TFEC: variants seen among roughly 807,000 people sequenced by gnomAD.
TFEC encodes class E basic helix-loop-helix protein 34.
A neutral mutation model predicts 41.6 loss-of-function variants in TFEC; 31 were observed. That is an observed-to-expected ratio of 0.74 (90% CI 0.56 to 1.01). TFEC has a LOEUF of 1.01. Ranked by LOEUF, TFEC falls within the 50% of genes least tolerant of loss-of-function variation. The pLI, the probability that TFEC is intolerant of heterozygous loss-of-function variation, is 0.00. For missense variants in TFEC, 402 were observed against 404.1 expected, an observed-to-expected ratio of 0.99 and a Z score of 0.04; for synonymous variants, 143 against 140.6, an observed-to-expected ratio of 1.02 and a Z score of -0.12.
chr7:116,018,051 A>G (rs1439848115), intron 1 of TFEC, among the ~76,000 whole-genome samples: 4 of 152,220 alleles, frequency 2.6e-5, no homozygotes, highest in African/African-American at 9.6e-5. Flanking sequence ...AAAGCCAATA[A>G]TAATAATATA....
At chr7:116,157,062 A>G (rs1418521526) in intron 1 of TFEC, among the ~76,000 whole-genome samples, 1 of 152,152 alleles carries the variant, frequency 6.6e-6, no homozygotes. Flanking sequence ...TTTGGATTTC[A>G]TACATTAGGC....
intron 2 of TFEC, among the ~76,000 whole-genome samples, chr7:115,975,365 T>C (rs1490604032): frequency 6.6e-6 from 1 of 152,126 alleles, no homozygotes; most frequent in African/African-American, 2.4e-5. Flanking sequence ...TTTCCCATGA[T>C]ATATGCAGAT....
intron 3 of TFEC, among the ~76,000 whole-genome samples, chr7:116,050,302 T>C (rs893671484): frequency 2.6e-5 from 4 of 152,018 alleles, no homozygotes; most frequent in African/African-American, 9.7e-5. Flanking sequence ...AAAGGGGATA[T>C]CACCACTGAT....
intron 1 of TFEC, among the ~76,000 whole-genome samples, chr7:116,128,305 T>C (rs1443950613): frequency 6.6e-6 from 1 of 152,140 alleles, no homozygotes; most frequent in Non-Finnish European, 1.5e-5. Context: ...AAAATGAGGC[T>C]AGAAGACAAT....
chr7:116,000,921 G>A (rs1346164496), intron 1 of TFEC, among the ~76,000 whole-genome samples: 1 of 149,370 alleles, frequency 6.7e-6, no homozygotes. Flanking sequence ...AAATACTAAT[G>A]ACATTCTTCA....
intron 1 of TFEC, among the ~76,000 whole-genome samples, chr7:116,131,334 T>C (rs1442545627): frequency 2.6e-5 from 4 of 152,200 alleles, no homozygotes; most frequent in African/African-American, 7.2e-5. Flanking sequence ...CCAGCCACTG[T>C]AGACTTCCTT....
At chr7:116,095,006 T>G (rs1174528162) in intron 3 of TFEC, among the ~76,000 whole-genome samples, 1 of 152,238 alleles carries the variant, frequency 6.6e-6, no homozygotes, top group African/African-American at 2.4e-5. Context: ...GATGAACTGC[T>G]ACTTATAGAT....
intron 1 of TFEC, among the ~76,000 whole-genome samples, chr7:115,998,052 T>C (rs758848442): frequency 2.6e-5 from 4 of 151,862 alleles, no homozygotes; most frequent in Non-Finnish European, 4.4e-5. Context: ...AAATGGGTAA[T>C]AACACAGAAC....
At chr7:116,048,950 C>T (rs1796240147) in intron 3 of TFEC, among the ~76,000 whole-genome samples, 1 of 152,124 alleles carries the variant, frequency 6.6e-6, no homozygotes, top group African/African-American at 2.4e-5. Flanking sequence ...TTGTCACCAC[C>T]AAGCCTGCCT....
At chr7:116,091,879 G>C (rs1484462482) in intron 3 of TFEC, among the ~76,000 whole-genome samples, 1 of 151,148 alleles carries the variant, frequency 6.6e-6, no homozygotes, top group African/African-American at 2.4e-5. Flanking sequence ...AAAGGAAAAA[G>C]AAGTAGTAAG....
In TFEC at chr7:115,939,625, G is replaced by A. The variant is rs192657617; in HGVS notation, c.*926C>T. Reference sequence around the variant, plus strand: ...TTTTAAGTACCTGAAAACTGTCCTTGCAGGGGGACATTTTATATTTTATTT... The same window carrying A: ...TTTTAAGTACCTGAAAACTGTCCTTACAGGGGGACATTTTATATTTTATTT... On this transcript the variant is annotated 3_prime_UTR_variant, in exon 8 of 8. Transcript: ENST00000265440. The A allele has an allele frequency of 2.0e-5, 3 of 151,958 alleles. No homozygotes were observed. The highest frequency in any genetic ancestry group is 1.3e-4 in the Admixed American group (2 of 15,240). 9.4% of individuals were successfully genotyped at this position (151,958 alleles called of 1,614,324 possible).
At chr7:116,064,353 A>G (rs1014035970) in intron 3 of TFEC, among the ~76,000 whole-genome samples, 3 of 151,074 alleles carry the variant, frequency 2.0e-5, no homozygotes, top group Admixed American at 2.0e-4. Context: ...TAATATATAT[A>G]TTATTTTTAT....
At chr7:116,025,413 T>TA (rs982663316) in intron 1 of TFEC, among the ~76,000 whole-genome samples, 13 of 152,222 alleles carry the variant, frequency 8.5e-5, no homozygotes, top group African/African-American at 3.1e-4. Flanking sequence ...TTTCCAATCT[T>TA]AGAGCTCCTA....
intron 3 of TFEC, among the ~76,000 whole-genome samples, chr7:116,093,426 T>C (rs1007107132): frequency 1.3e-5 from 2 of 152,088 alleles, no homozygotes; most frequent in Non-Finnish European, 2.9e-5. Context: ...AAGAAAAGCA[T>C]TTCAGAAAGA....
At chr7:116,153,227 C>A (rs558168510) in intron 1 of TFEC, among the ~76,000 whole-genome samples, 3 of 151,500 alleles carry the variant, frequency 2.0e-5, no homozygotes, top group South Asian at 2.1e-4. Flanking sequence ...GCAGTGGTGG[C>A]GATGTTGTGG....
chr7:115,982,622 T>C (rs761441908), intron 2 of TFEC, among the ~76,000 whole-genome samples: 15 of 152,194 alleles, frequency 9.9e-5, no homozygotes, highest in Non-Finnish European at 1.9e-4. Flanking sequence ...GATACTTTTG[T>C]ATACATAATT....
intron 3 of TFEC, among the ~76,000 whole-genome samples, chr7:116,082,421 T>G (rs968831310): frequency 2.6e-5 from 4 of 152,018 alleles, no homozygotes; most frequent in Non-Finnish European, 5.9e-5. Flanking sequence ...CCTAAATATA[T>G]TCTAACTCAC....
At position 115,984,436 on chromosome 7, in the gene TFEC, G is replaced by T. The variant is rs776935111; in HGVS notation, c.6C>A (p.Thr2=). The change falls in exon 2 of 8, where the codon ACC becomes ACA. Residue 2 remains threonine (T), a synonymous_variant. Transcript: ENST00000265440. ...TTGGATTGATGATCTGATGATCAAGGGTCATGAAAGAGTTTACTTTCTGTC... is the reference window on the plus strand; with the variant it reads ...TTGGATTGATGATCTGATGATCAAGTGTCATGAAAGAGTTTACTTTCTGTC... M[T]LDHQIINPTL... 1 of 1,614,054 alleles carries T rather than the reference G, an allele frequency of 6.2e-7. No homozygotes were observed. Among genetic ancestry groups the T allele is most frequent in the Non-Finnish European group, 8.5e-7 (1 of 1,179,956 alleles).
intron 1 of TFEC, among the ~76,000 whole-genome samples, chr7:116,118,766 A>G (rs973456012): frequency 5.3e-5 from 8 of 151,882 alleles, no homozygotes; most frequent in South Asian, 4.1e-4. Flanking sequence ...TTTAGAGATT[A>G]AGAATTTATG....
Sources: gnomAD v4.1 joint callset for allele counts (sites outside exome capture counted in the v4.1 genomes callset) on GRCh38, gnomAD v4.1.1 for gene constraint, MANE v1.5 for transcripts, NCBI Gene and HGNC (gene_info 2026-07-23, HGNC 2026-07-21) for gene names.